Variants in ZNF100 observed in about 807,000 individuals in gnomAD.
ZNF100 encodes the protein zinc finger protein 100.
In ZNF100, 12 loss-of-function variants were observed where a neutral mutation model predicts 15.8. The observed-to-expected ratio is 0.76, with a 90% CI of 0.49 to 1.23. ZNF100 has a LOEUF of 1.23. Among genes scored for constraint, ZNF100 ranks in the 50% most tolerant of loss-of-function variants. The pLI, the probability that ZNF100 is intolerant of heterozygous loss-of-function variation, is 0.00. For missense variants in ZNF100, 670 were observed against 635.6 expected (o/e 1.05, Z -0.58); for synonymous variants, 226 against 214.8 (o/e 1.05, Z -0.45).
Position 21,727,237 on chromosome 19 carries a change from T to C in ZNF100, c.1075A>G (p.Thr359Ala), listed in dbSNP as rs2035815793. Residue 359 changes from threonine to alanine, a missense_variant, in exon 5 of 5, where the codon ACC (threonine) becomes GCC (alanine). Transcript: ENST00000358296. ...ECGKAFNQSS[T>A]LTTHKITHAG... The stretch of plus-strand genomic sequence containing the variant: ...TGAGTTATCTTATGTGTAGTAAGGG[T>C]TGAGGACTGGTTAAAGGCTTTGCCA... The C allele has an allele frequency of 5.0e-6, 8 of 1,612,918 alleles. No homozygotes were observed. Among genetic ancestry groups the C allele is most frequent in the Non-Finnish European group, 6.8e-6 (8 of 1,179,728 alleles).
chr19:21,736,242 T>C (rs1411459130), intron 4 of ZNF100, among the ~76,000 whole-genome samples: 1 of 152,050 alleles, frequency 6.6e-6, no homozygotes, highest in Non-Finnish European at 1.5e-5. Context: ...CACCAACCAC[T>C]ATGCCCAGCT....
At chr19:21,757,830 G>A (rs73028063) in intron 2 of ZNF100, among the ~76,000 whole-genome samples, 16,001 of 152,132 alleles carry the variant, frequency 0.11, 1,045 homozygotes, top group East Asian at 0.17. Context: ...TAGCTCAAGA[G>A]TTCAAGACGA....
At chr19:21,767,176 C>T (rs909098042) in intron 1 of ZNF100, among the ~76,000 whole-genome samples, 27 of 152,196 alleles carry the variant, frequency 1.8e-4, no homozygotes, top group African/African-American at 6.3e-4. Context: ...CGCGGCGCTG[C>T]GGGTGCAGAG....
At position 21,723,377 on chromosome 19, in the gene ZNF100, A is replaced by AC. The variant is rs1038873942; in HGVS notation, c.*3305_*3306insG. On this transcript the variant is annotated 3_prime_UTR_variant, in exon 5 of 5. Coordinates refer to ENST00000358296, the MANE Select transcript of ZNF100 (RefSeq NM_173531.4). The stretch of plus-strand genomic sequence containing the variant: ...CTCTGTCTCAAAAAAAAAAAAAAAA[A>AC]AAAAAACAACCAACTTTCTCGTCAA... The AC allele has an allele frequency of 2.0e-5, 3 of 151,692 alleles. No individual in the cohort carries two copies. Among genetic ancestry groups the AC allele is most frequent in the African/African-American group, 7.3e-5 (3 of 41,238 alleles). 9.4% of individuals were successfully genotyped at this position (151,692 alleles called of 1,614,324 possible).
intron 2 of ZNF100, among the ~76,000 whole-genome samples, chr19:21,747,976 T>TA (rs2036240322): frequency 1.7e-5 from 2 of 115,144 alleles, no homozygotes; most frequent in Non-Finnish European, 4.3e-5. Flanking sequence ...TATTGATTTT[T>TA]TAAAAAAATG....
intron 4 of ZNF100, among the ~76,000 whole-genome samples, chr19:21,731,308 TTTTTATTTTTTA>T (rs2035914767): frequency 6.8e-6 from 1 of 147,352 alleles, no homozygotes; most frequent in South Asian, 2.2e-4. Flanking sequence ...TTTCCTTTTT[TTTTTATTTTTTA>T]TTTTTTGAGA....
chr19:21,744,785 C>T (rs1408530316), intron 3 of ZNF100, among the ~76,000 whole-genome samples, 156 bp downstream of exon 3: 3 of 150,908 alleles, frequency 2.0e-5, no homozygotes, highest in African/African-American at 7.3e-5. Flanking sequence ...GATGAAACAT[C>T]TTGAATACAT....
At position 21,764,197 on chromosome 19, in the gene ZNF100, G is replaced by C. The variant is rs912103931; in HGVS notation, c.96+1497C>G. Among the ~76,000 whole-genome samples the C allele has an allele frequency of 5.1e-4, 77 of 152,156 alleles. 6 individuals carry two copies. The highest frequency in any genetic ancestry group is 2.9e-5 in the Non-Finnish European group (2 of 68,040). ...TTCTGCAGGCTCAATATTAGCCTTA[G>C]CTCTGAGTCACTGGGACCAAGCTCT... On this transcript the variant is annotated intron_variant, in intron 2 of 4. Coordinates refer to ENST00000358296, the MANE Select transcript of ZNF100 (RefSeq NM_173531.4).
In ZNF100 at chr19:21,727,760, T is replaced by C; in HGVS notation, c.552A>G (p.Lys184=). 3.1e-6 allele frequency: 5 copies of C among 1,613,832 alleles called. No homozygotes were observed. The highest frequency in any genetic ancestry group is 4.2e-6 in the Non-Finnish European group (5 of 1,179,802). ...SNIFQCDPSA[K]VFHTFSNSNR... The stretch of plus-strand genomic sequence containing the variant: ...TTGAATTTGAAAATGTATGAAAGAC[T>C]TTTGCAGATGGATCACATTGAAATA... The change falls in exon 5 of 5, where the codon AAA becomes AAG. Residue 184 remains lysine (K), a synonymous_variant. Transcript: ENST00000358296.
chr19:21,765,013 C>A (rs940128760), intron 2 of ZNF100, among the ~76,000 whole-genome samples: 1 of 152,018 alleles, frequency 6.6e-6, no homozygotes, highest in African/African-American at 2.4e-5. Flanking sequence ...ATCACTCAGC[C>A]ATAAAAAAAA....
In ZNF100 at chr19:21,726,029, T is replaced by C. The variant is rs1002804985; in HGVS notation, c.*654A>G. 4 of 152,182 alleles carry C rather than the reference T, an allele frequency of 2.6e-5. No homozygotes were observed. The highest frequency in any genetic ancestry group is 7.2e-5 in the African/African-American group (3 of 41,456). 9.4% of individuals were successfully genotyped at this position (152,182 alleles called of 1,614,324 possible). A position where few individuals can be genotyped will look rare whatever the true frequency, so the allele number is the denominator to read the frequency against. ...TTTTTCAATATAAATTCCCTGATAT[T>C]GAACAAAGTTTGAGCAACTGCTTCA... is the stretch of plus-strand genomic sequence containing the variant. On this transcript the variant is annotated 3_prime_UTR_variant, in exon 5 of 5. Coordinates refer to ENST00000358296, the MANE Select transcript of ZNF100 (RefSeq NM_173531.4).
At chr19:21,758,512 T>C (rs140298210) in intron 2 of ZNF100, among the ~76,000 whole-genome samples, 4 of 152,330 alleles carry the variant, frequency 2.6e-5, no homozygotes, top group Non-Finnish European at 5.9e-5. Flanking sequence ...CTGATTTATT[T>C]CTGGGTCCAT....
chr19:21,752,988 A>G (rs1028774121), intron 2 of ZNF100: 2 of 152,176 alleles, frequency 1.3e-5, no homozygotes, highest in African/African-American at 4.8e-5. Context: ...CTGCAGGCGC[A>G]CCCTGCATTT....
rs564648005 is a variant in ZNF100, at chr19:21,746,142, T to C, written c.97-1075A>G. 5.3e-5 allele frequency among the ~76,000 whole-genome samples: 8 copies of C among 152,204 alleles called. 1 individual carries two copies. Among genetic ancestry groups the C allele is most frequent in the African/African-American group, 1.7e-4 (7 of 41,454 alleles). ...CCAAGTAAATTATTAATATCAACCA[T>C]AGTAGGACGAATTTTTATGTTGTGC... On this transcript the variant is annotated intron_variant, in intron 2 of 4. Transcript: ENST00000358296.
Position 21,724,740 on chromosome 19 carries a change from G to A in ZNF100, c.*1943C>T, listed in dbSNP as rs1289817042. The A allele has an allele frequency of 6.6e-6, 1 of 151,896 alleles. No homozygotes were observed. The highest frequency in any genetic ancestry group is 1.5e-5 in the Non-Finnish European group (1 of 67,976). The allele number at this position is 151,896 out of a possible 1,614,324, so 9.4% of individuals were successfully genotyped here. On this transcript the variant is annotated 3_prime_UTR_variant, in exon 5 of 5. Transcript: ENST00000358296. ...CATATTATGTACCCCAAATAATTAA[G>A]AAAAATAAATTTAAATAAAATAAAC...
rs2035715843 is a variant in ZNF100 at position 21,723,374 on chromosome 19, A to C, written c.*3309T>G. 6.6e-6 allele frequency: 1 copy of C among 151,542 alleles called. No homozygotes were observed. Among genetic ancestry groups the C allele is most frequent in the Admixed American group, 6.6e-5 (1 of 15,078 alleles). The allele number at this position is 151,542 out of a possible 1,614,324, so 9.4% of individuals were successfully genotyped here. ...AGACTCTGTCTCAAAAAAAAAAAAA[A>C]AAAAAAAAACAACCAACTTTCTCGT... On this transcript the variant is annotated 3_prime_UTR_variant, in exon 5 of 5. Transcript: ENST00000358296.
chr19:21,727,672 A>G lies in ZNF100; in HGVS notation c.640T>C (p.Phe214Leu). The part of the protein sequence containing the change: ...PFKCKKCEKS[F>L]CMLLHLTQHK... ...TGAGTTAGGTGTAAAAGCATGCAAA[A>G]TGATTTTTCACATTTTTTACATTTG... The change falls in exon 5 of 5, where the codon TTT becomes CTT. Residue 214 changes from phenylalanine to leucine, a missense_variant. Phe to Leu is a conservative substitution (Grantham distance 22, BLOSUM62 0). Coordinates refer to ENST00000358296, the MANE Select transcript of ZNF100 (RefSeq NM_173531.4). 1 of 1,613,038 alleles carries G rather than the reference A, an allele frequency of 6.2e-7. No individual in the cohort carries two copies. Among genetic ancestry groups the G allele is most frequent in the Non-Finnish European group, 8.5e-7 (1 of 1,179,690 alleles).
chr19:21,760,888 C>A (rs2036473568), intron 2 of ZNF100, among the ~76,000 whole-genome samples: 1 of 151,030 alleles, frequency 6.6e-6, no homozygotes, highest in South Asian at 2.1e-4. Context: ...TCCCGAGTAG[C>A]TGGGACTACA....
chr19:21,745,684 G>A (rs1016247602), intron 2 of ZNF100, among the ~76,000 whole-genome samples: 2 of 151,840 alleles, frequency 1.3e-5, no homozygotes, highest in African/African-American at 2.4e-5. Context: ...CACCGCGCCC[G>A]GCTAATTTTT....
Sources: allele counts gnomAD v4.1 joint callset (sites outside exome capture counted in the v4.1 genomes callset), GRCh38; gene constraint gnomAD v4.1.1; transcripts MANE v1.5; gene names NCBI Gene and HGNC (gene_info 2026-07-23, HGNC 2026-07-21).